The following DPP10 variants were observed in gnomAD, a reference collection of about 807,000 sequenced individuals.
DPP10 encodes the protein inactive dipeptidyl peptidase 10.
Under a neutral mutation model 120.9 loss-of-function variants are expected in DPP10, and 33 were observed. That is an observed-to-expected ratio of 0.27 (90% CI 0.21 to 0.37). The LOEUF (loss-of-function observed/expected upper bound fraction) is 0.37, where lower values mean the gene tolerates loss of function less well. Ranked by LOEUF, DPP10 falls within the 10% of genes least tolerant of loss-of-function variation. DPP10 has a pLI of 1.00. For missense variants in DPP10, 816 were observed against 942.8 expected (o/e 0.87, Z 1.76); for synonymous variants, 337 against 326.1 (o/e 1.03, Z -0.36).
At chr2:115,817,436 A>G (rs1455136256) in intron 21 of DPP10, among the ~76,000 whole-genome samples, 1 of 152,162 alleles carries the variant, frequency 6.6e-6, no homozygotes, top group Non-Finnish European at 1.5e-5. Context: ...AGTGGTACAT[A>G]CTGACAGGTG....
intron 2 of DPP10, among the ~76,000 whole-genome samples, chr2:115,324,514 T>C (rs567726357): frequency 6.6e-6 from 1 of 152,170 alleles, no homozygotes; most frequent in African/African-American, 2.4e-5. Context: ...TTTTCTTCTG[T>C]AGCCTTCTCA....
intron 1 of DPP10, among the ~76,000 whole-genome samples, chr2:114,918,358 GT>G (rs1455197936): frequency 6.6e-6 from 1 of 152,142 alleles, no homozygotes; most frequent in African/African-American, 2.4e-5. Flanking sequence ...GGGGATATAA[GT>G]TAGTTTAACC....
chr2:115,770,588 A>G (rs1681342091), intron 13 of DPP10, among the ~76,000 whole-genome samples: 1 of 152,136 alleles, frequency 6.6e-6, no homozygotes, highest in African/African-American at 2.4e-5. Flanking sequence ...GTGCTAGGTA[A>G]ATACAATTTA....
chr2:115,407,165 C>A (rs961653820), intron 3 of DPP10, among the ~76,000 whole-genome samples: 4 of 152,166 alleles, frequency 2.6e-5, no homozygotes, highest in Admixed American at 1.3e-4. Context: ...AGCCTCTACC[C>A]TGTCTCTGCA....
intron 1 of DPP10, among the ~76,000 whole-genome samples, chr2:114,483,385 C>A (rs1681229323): frequency 6.6e-6 from 1 of 151,906 alleles, no homozygotes; most frequent in Admixed American, 6.6e-5. Context: ...GTTCAATGGC[C>A]ATAGCATTCA....
At chr2:114,519,201 A>G (rs1684848981) in intron 1 of DPP10, among the ~76,000 whole-genome samples, 1 of 152,238 alleles carries the variant, frequency 6.6e-6, no homozygotes, top group Non-Finnish European at 1.5e-5. Flanking sequence ...GCTGACAGAC[A>G]GTTTAGCTAC....
intron 1 of DPP10, among the ~76,000 whole-genome samples, chr2:115,243,905 A>G (rs2058401825): frequency 6.6e-6 from 1 of 151,862 alleles, no homozygotes; most frequent in African/African-American, 2.4e-5. Flanking sequence ...TATGGACTAA[A>G]ATAGATGCTC....
At chr2:115,532,843 C>A (rs2078552445) in intron 5 of DPP10, among the ~76,000 whole-genome samples, 1 of 151,548 alleles carries the variant, frequency 6.6e-6, no homozygotes, top group Admixed American at 6.6e-5. Flanking sequence ...CATTCTGAGT[C>A]ATGTATATAA....
chr2:115,241,269 A>AAAATAAATAAAT (rs58134986), intron 1 of DPP10, among the ~76,000 whole-genome samples: 19 of 151,174 alleles, frequency 1.3e-4, no homozygotes, highest in South Asian at 4.2e-4. Context: ...ACTCTATCTC[A>AAAATAAATAAAT]AAATAAATAA....
At chr2:114,799,201 G>A (rs1407758599) in intron 1 of DPP10, among the ~76,000 whole-genome samples, 4 of 152,192 alleles carry the variant, frequency 2.6e-5, no homozygotes, top group Non-Finnish European at 4.4e-5. Flanking sequence ...CAGGGTTGCA[G>A]TTCATTTGAG....
chr2:115,230,901 C>T (rs910985763), intron 1 of DPP10, among the ~76,000 whole-genome samples: 5 of 151,962 alleles, frequency 3.3e-5, no homozygotes, highest in African/African-American at 1.2e-4. Context: ...ACTTCTGGCA[C>T]ACCATAGTTG....
At chr2:114,819,365 G>A (rs1685901936) in intron 1 of DPP10, among the ~76,000 whole-genome samples, 2 of 152,124 alleles carry the variant, frequency 1.3e-5, no homozygotes, top group African/African-American at 4.8e-5. Flanking sequence ...GTGATCCTCA[G>A]TTTTCTCATC....
chr2:115,500,826 A>G (rs1298084737), intron 4 of DPP10, among the ~76,000 whole-genome samples: 1 of 152,016 alleles, frequency 6.6e-6, no homozygotes, highest in African/African-American at 2.4e-5. Flanking sequence ...ACCCTTACGG[A>G]GAATTTTAAT....
chr2:115,284,560 G>A (rs2060288703), intron 1 of DPP10, among the ~76,000 whole-genome samples: 1 of 151,954 alleles, frequency 6.6e-6, no homozygotes, highest in Non-Finnish European at 1.5e-5. Flanking sequence ...GTTAGAACAG[G>A]ACAAGACTAG....
chr2:115,048,663 CCAAATTATAT>C lies in DPP10; in HGVS notation c.61-260570_61-260561del, dbSNP rs377596045. 7.1e-3 allele frequency among the ~76,000 whole-genome samples: 1,073 copies of C among 152,120 alleles called. 7 individuals are homozygous for C. The highest frequency in any genetic ancestry group is 0.025 in the African/African-American group (1,030 of 41,520). On this transcript the variant is annotated intron_variant, in intron 1 of 25. Transcript: ENST00000410059. Reference sequence around the variant, plus strand: ...TCATCACTCTCAATGTCTTGTTATACCAAATTATATCAAATACCTTTCCATTTTACATAAC... The same window carrying C: ...TCATCACTCTCAATGTCTTGTTATACCAAATACCTTTCCATTTTACATAAC...
chr2:115,507,032 G>A (rs984435711), intron 4 of DPP10, among the ~76,000 whole-genome samples: 52 of 148,826 alleles, frequency 3.5e-4, no homozygotes, highest in Middle Eastern at 3.4e-3. Flanking sequence ...ACACACGCAC[G>A]CGCACACACA....
intron 1 of DPP10, among the ~76,000 whole-genome samples, chr2:115,085,385 C>A (rs2104520323): frequency 6.6e-6 from 1 of 152,222 alleles, no homozygotes; most frequent in East Asian, 1.9e-4. Context: ...TTTGCTGGAG[C>A]AGGTTAAATA....
At chr2:114,861,155 C>T (rs1021925594) in intron 1 of DPP10, among the ~76,000 whole-genome samples, 2 of 152,146 alleles carry the variant, frequency 1.3e-5, no homozygotes, top group Non-Finnish European at 2.9e-5. Context: ...ACATGAACTC[C>T]ACTCGTTGCT....
chr2:115,207,416 C>CAAA (rs57462947), intron 1 of DPP10, among the ~76,000 whole-genome samples: 1,545 of 52,284 alleles, frequency 0.03, 213 homozygotes, highest in Non-Finnish European at 0.043. Flanking sequence ...CTTACTGCAC[C>CAAA]AAAAAAAAAA....
Sources: gnomAD v4.1 joint callset for allele counts (sites outside exome capture counted in the v4.1 genomes callset) on GRCh38, gnomAD v4.1.1 for gene constraint, MANE v1.5 for transcripts, NCBI Gene and HGNC (gene_info 2026-07-23, HGNC 2026-07-21) for gene names.